Variants in ZNF610 observed in about 807,000 individuals in gnomAD.
ZNF610 encodes the protein zink finger protein.
ZNF610 carries 14 observed loss-of-function variants against 14.1 expected under a neutral mutation model. That is an observed-to-expected ratio of 0.99 (90% CI 0.65 to 1.55). The LOEUF (loss-of-function observed/expected upper bound fraction) is 1.55, where lower values mean the gene tolerates loss of function less well. Among genes scored for constraint, ZNF610 ranks in the 40% most tolerant of loss-of-function variants. ZNF610 has a pLI of 0.00. For synonymous variants in ZNF610, 185 were observed against 187.6 expected (o/e 0.99, Z 0.11); for missense variants, 530 against 558.0 (o/e 0.95, Z 0.51).
rs553180629 is a variant in ZNF610 at position 52,346,613 on chromosome 19, T to C, written c.-257-1094T>C. Among the ~76,000 whole-genome samples the C allele has an allele frequency of 1.4e-3, 208 of 152,254 alleles. 2 individuals carry two copies. The highest frequency in any genetic ancestry group is 4.6e-3 in the African/African-American group (192 of 41,562). On this transcript the variant is annotated intron_variant, in intron 1 of 5. Transcript: ENST00000403906. ...ACACCCAACCCCAAAAGGTGTTTAT[T>C]AATAGAAAGGAAAGTTTATGGTGCA...
rs563356629 is a variant in ZNF610, at chr19:52,348,778, C to A, written c.-19-376C>A. Among the ~76,000 whole-genome samples the A allele has an allele frequency of 6.3e-4, 96 of 152,214 alleles. 1 individual carries two copies. Among genetic ancestry groups the A allele is most frequent in the East Asian group, 7.7e-4 (4 of 5,172 alleles). ...GTGTTCTGTCTCTGGCGCTGAGCACCAACGCTCTGTGTCCTCCATTTCTGA... is the reference window on the plus strand; with the variant it reads ...GTGTTCTGTCTCTGGCGCTGAGCACAAACGCTCTGTGTCCTCCATTTCTGA... On this transcript the variant is annotated intron_variant, in intron 2 of 5. Transcript: ENST00000403906.
chr19:52,362,035 C>T (rs1418269271), intron 5 of ZNF610, among the ~76,000 whole-genome samples: 6 of 152,210 alleles, frequency 3.9e-5, no homozygotes, highest in Admixed American at 1.3e-4. Flanking sequence ...ATTCTCTTAT[C>T]TCAGCCTCCT....
chr19:52,341,434 T>C (rs181841412), intron 1 of ZNF610, among the ~76,000 whole-genome samples: 1 of 151,856 alleles, frequency 6.6e-6, no homozygotes, highest in East Asian at 2.0e-4. Flanking sequence ...CTCAGCCTCC[T>C]GAGTAGCTGG....
intron 2 of ZNF610, 95 bp from the exon 3 acceptor site, chr19:52,349,059 T>A: frequency 1.2e-6 from 1 of 816,192 alleles, no homozygotes. Flanking sequence ...AGGACATCTT[T>A]CCGCAGGATT....
intron 4 of ZNF610, 105 bp from the exon 5 acceptor site, chr19:52,354,146 G>A (rs2251559): frequency 0.42 from 618,947 of 1,470,430 alleles, 134,597 homozygotes; most frequent in African/African-American, 0.7. Context: ...GAACTTGTGA[G>A]ATATTATTCT....
At chr19:52,357,426 AC>A (rs538287292) in intron 5 of ZNF610, among the ~76,000 whole-genome samples, 23 of 152,208 alleles carry the variant, frequency 1.5e-4, no homozygotes, top group South Asian at 4.1e-4. Context: ...CGGGCGGATC[AC>A]GAGGTCAGGA....
At chr19:52,340,666 A>G (rs1984643676) in intron 1 of ZNF610, among the ~76,000 whole-genome samples, 1 of 112,418 alleles carries the variant, frequency 8.9e-6, no homozygotes. Flanking sequence ...TTTTTTGTCT[A>G]GGAAATTATT....
At chr19:52,345,950 C>G (rs57635280) in intron 1 of ZNF610, among the ~76,000 whole-genome samples, 1 of 149,050 alleles carries the variant, frequency 6.7e-6, no homozygotes, top group Non-Finnish European at 1.5e-5. Flanking sequence ...GTGATCCACC[C>G]GCCTTGACCT....
chr19:52,365,748 C>G lies in ZNF610; in HGVS notation c.370C>G (p.Gln124Glu), dbSNP rs1985990406. 6.2e-7 allele frequency: 1 copy of G among 1,611,710 alleles called. No homozygotes were observed. The highest frequency in any genetic ancestry group is 1.3e-5 in the African/African-American group (1 of 74,870). ...TGCAGAAAACAAGCCTATTAAAAAT[C>G]AACTTGGATTAACCCTTGAGGCACA... ...SNAENKPIKN[Q>E]LGLTLEAHLS... Residue 124 changes from glutamine (Q) to glutamate (E), a missense_variant, in exon 6 of 6, where the codon CAA (glutamine) becomes GAA (glutamate). Transcript: ENST00000403906.
At chr19:52,332,614 C>G (rs1247347001), upstream of ZNF610, among the ~76,000 whole-genome samples, 1 of 152,186 alleles carries the variant, frequency 6.6e-6, no homozygotes, top group African/African-American at 2.4e-5. This position sits in a 1 kb window ranked among gnomAD's most constrained non-coding sequence, Gnocchi z 4.1. Flanking sequence ...TGTACCACCA[C>G]CTTCGGTGGC....
chr19:52,340,712 A>C (rs1398496716), intron 1 of ZNF610, among the ~76,000 whole-genome samples: 2 of 151,762 alleles, frequency 1.3e-5, no homozygotes, highest in African/African-American at 2.4e-5. Context: ...ACGGAGTCTC[A>C]CTGTGTCACC....
At chr19:52,356,295 A>G (rs1985520817) in intron 5 of ZNF610, among the ~76,000 whole-genome samples, 1 of 152,184 alleles carries the variant, frequency 6.6e-6, no homozygotes, top group Non-Finnish European at 1.5e-5. Context: ...GATAGTCAAC[A>G]GAAAGACCCT....
In ZNF610 at chr19:52,354,293, A is replaced by G; in HGVS notation, c.233A>G (p.Gln78Arg). 3 of 1,614,090 alleles carry G rather than the reference A, an allele frequency of 1.9e-6. No individual in the cohort carries two copies. The highest frequency in any genetic ancestry group is 4.5e-5 in the East Asian group (2 of 44,894). ...PDLSIISMLK[Q>R]RREPLILQSQ... Reference sequence around the variant, plus strand: ...CTAAGTATTATTTCCATGTTGAAGCAAAGGAGAGAGCCCTTGATTCTGCAA... The same window carrying G: ...CTAAGTATTATTTCCATGTTGAAGCGAAGGAGAGAGCCCTTGATTCTGCAA... The change falls in exon 5 of 6, where the codon CAA becomes CGA. Residue 78 changes from glutamine to arginine, a missense_variant. Transcript: ENST00000403906.
intron 5 of ZNF610, among the ~76,000 whole-genome samples, chr19:52,364,893 T>C (rs1034251566): frequency 3.3e-5 from 5 of 152,160 alleles, no homozygotes; most frequent in Admixed American, 3.3e-4. Flanking sequence ...TTTTTTTCTT[T>C]AAGCACTTTC....
At chr19:52,332,861 T>C (rs746113560), upstream of ZNF610, among the ~76,000 whole-genome samples, 38 of 152,188 alleles carry the variant, frequency 2.5e-4, no homozygotes, top group Non-Finnish European at 5.3e-4. This position sits in a 1 kb window ranked among gnomAD's most constrained non-coding sequence, Gnocchi z 4.1. Flanking sequence ...CGTAGAACTC[T>C]GAGAACAAGT....
chr19:52,364,710 T>C (rs1985936164), intron 5 of ZNF610, among the ~76,000 whole-genome samples: 2 of 152,132 alleles, frequency 1.3e-5, no homozygotes. Flanking sequence ...TCCAAGTAGC[T>C]GGGATTACAG....
chr19:52,342,332 A>G (rs1984724387), intron 1 of ZNF610, among the ~76,000 whole-genome samples: 1 of 152,116 alleles, frequency 6.6e-6, no homozygotes, highest in African/African-American at 2.4e-5. Flanking sequence ...TCCTCTAGGA[A>G]GTACCCCTCT....
At chr19:52,350,040 C>T (rs972623374) in intron 3 of ZNF610, among the ~76,000 whole-genome samples, 2 of 152,224 alleles carry the variant, frequency 1.3e-5, no homozygotes, top group South Asian at 2.1e-4. Flanking sequence ...TCAGCATGCC[C>T]CTCCCATGGA....
chr19:52,338,587 A>C (rs1454920032), intron 1 of ZNF610, among the ~76,000 whole-genome samples: 1 of 152,162 alleles, frequency 6.6e-6, no homozygotes, highest in Non-Finnish European at 1.5e-5. Context: ...TGGCTGAGAC[A>C]CAAGAATCTC....
Sources: gnomAD v4.1 joint callset for allele counts (sites outside exome capture counted in the v4.1 genomes callset) on GRCh38, gnomAD v4.1.1 for gene constraint, Gnocchi (gnomAD v3.1) non-coding constraint, MANE v1.5 for transcripts, NCBI Gene and HGNC (gene_info 2026-07-23, HGNC 2026-07-21) for gene names.